The following SMAP2 variants were observed in gnomAD, a reference collection of about 807,000 sequenced individuals.
The protein encoded by SMAP2 is small ArfGAP2.
Under a neutral mutation model 56.4 loss-of-function variants are expected in SMAP2, and 25 were observed. The ratio of observed to expected loss-of-function variants is 0.44; its 90% CI spans 0.32 to 0.62. The LOEUF is 0.62. Among genes scored for constraint, SMAP2 ranks in the 20% least tolerant of loss-of-function variants. The pLI, the probability that SMAP2 is intolerant of heterozygous loss-of-function variation, is 0.04. For synonymous variants in SMAP2, 157 were observed against 181.7 expected (o/e 0.86, Z 1.09); for missense variants, 388 against 545.6 (o/e 0.71, Z 2.88).
At chr1:40,347,940 A>T (rs1433044706) in intron 1 of SMAP2, among the ~76,000 whole-genome samples, 1 of 151,816 alleles carries the variant, frequency 6.6e-6, no homozygotes. Context: ...TATTCTACAT[A>T]CTCATCTATT....
intron 1 of SMAP2, among the ~76,000 whole-genome samples, chr1:40,377,005 G>T (rs1644547002): frequency 6.6e-6 from 1 of 152,138 alleles, no homozygotes; most frequent in Admixed American, 6.5e-5. Flanking sequence ...CGGAATAGAG[G>T]CTGGGTGTGG....
chr1:40,357,304 T>G (rs748119308), intron 1 of SMAP2, among the ~76,000 whole-genome samples: 2 of 151,852 alleles, frequency 1.3e-5, no homozygotes, highest in Non-Finnish European at 2.9e-5. Context: ...AAAATACAAA[T>G]ATTAGCCAGG....
At chr1:40,382,787 G>A (rs1247982099) in intron 1 of SMAP2, among the ~76,000 whole-genome samples, 1 of 152,200 alleles carries the variant, frequency 6.6e-6, no homozygotes, top group Non-Finnish European at 1.5e-5. Flanking sequence ...AGGGGCCTAT[G>A]CCTGTTTTGT....
intron 1 of SMAP2, among the ~76,000 whole-genome samples, chr1:40,389,506 A>G (rs150935810): frequency 1.2e-3 from 177 of 152,346 alleles, no homozygotes; most frequent in African/African-American, 4.0e-3. Flanking sequence ...CTGTTAGCCC[A>G]GATAGCTGAA....
chr1:40,421,840 G>A (rs2124390195), intron 9 of SMAP2, 136 bp from the exon 10 acceptor site: 4 of 980,256 alleles, frequency 4.1e-6, no homozygotes, highest in Non-Finnish European at 4.6e-6. Context: ...AAGGTCCAGG[G>A]TTTACTGTCC....
chr1:40,422,203 G>T lies in SMAP2; in HGVS notation c.*102G>T. 6.7e-7 allele frequency: 1 copy of T among 1,491,054 alleles called. No individual in the cohort carries two copies. Among genetic ancestry groups the T allele is most frequent in the South Asian group, 1.2e-5 (1 of 80,250 alleles). 92.4% of individuals were successfully genotyped at this position (1,491,054 alleles called of 1,614,324 possible). A position where few individuals can be genotyped will look rare whatever the true frequency, so the allele number is the denominator to read the frequency against. On this transcript the variant is annotated 3_prime_UTR_variant, in exon 10 of 10. Coordinates refer to ENST00000372718, the MANE Select transcript of SMAP2 (RefSeq NM_022733.3). ...ATCCTCTTTTCCTACCTCTCTGTTT[G>T]GTTTAGAAATTGCTCAATAAGTCAT... is the stretch of plus-strand genomic sequence containing the variant.
chr1:40,393,541 CTTTTTTTTTTTTT>C (rs35913943), intron 1 of SMAP2: 3 of 812,076 alleles, frequency 3.7e-6, no homozygotes, highest in Non-Finnish European at 5.1e-6. Flanking sequence ...GTTCTTCTAA[CTTTTTTTTTTTTT>C]TTTTTTTTTG....
chr1:40,417,765 T>C (rs1361900092), intron 9 of SMAP2, among the ~76,000 whole-genome samples: 1 of 151,960 alleles, frequency 6.6e-6, no homozygotes, highest in Non-Finnish European at 1.5e-5. Context: ...GGACTGGTGG[T>C]GAAGGAAAGA....
intron 1 of SMAP2, among the ~76,000 whole-genome samples, chr1:40,379,900 A>C (rs1339426914): frequency 1.3e-5 from 2 of 152,180 alleles, no homozygotes; most frequent in Admixed American, 1.3e-4. Context: ...GCCTACTGTT[A>C]AGATGGCAGA....
upstream of SMAP2, among the ~76,000 whole-genome samples, chr1:40,372,631 G>A (rs1351766000): frequency 6.6e-6 from 1 of 152,194 alleles, no homozygotes; most frequent in African/African-American, 2.4e-5. Context: ...TAATAGAAAT[G>A]TTTAGTTTTC....
intron 1 of SMAP2, among the ~76,000 whole-genome samples, chr1:40,349,704 A>G (rs541410255): frequency 6.6e-6 from 1 of 152,170 alleles, no homozygotes; most frequent in Non-Finnish European, 1.5e-5. Context: ...TATTTTTAGT[A>G]GAGATGGGGT....
chr1:40,361,280 C>G (rs1214423917), intron 1 of SMAP2, among the ~76,000 whole-genome samples: 2 of 152,104 alleles, frequency 1.3e-5, no homozygotes, highest in Non-Finnish European at 2.9e-5. Context: ...AGAACCCAGT[C>G]CTGGCAGGAT....
In SMAP2 at chr1:40,382,197, C is replaced by T. The variant is rs72948147; in HGVS notation, c.103+7974C>T. 2.4e-3 allele frequency among the ~76,000 whole-genome samples: 372 copies of T among 152,272 alleles called. 1 individual carries two copies. Among genetic ancestry groups the T allele is most frequent in the African/African-American group, 8.0e-3 (332 of 41,550 alleles). On this transcript the variant is annotated intron_variant, in intron 1 of 9. Transcript: ENST00000372718. ...TTCTTGGGCACAGTTGTCTATATAA[C>T]TGTTCATCACATGAGTCATTGTCTG...
At chr1:40,378,729 C>G (rs1177054412) in intron 1 of SMAP2, among the ~76,000 whole-genome samples, 1 of 152,142 alleles carries the variant, frequency 6.6e-6, no homozygotes, top group Non-Finnish European at 1.5e-5. Context: ...TTGCTTTTCC[C>G]TTCTTCTGCT....
At chr1:40,354,498 C>T (rs1403869244) in intron 1 of SMAP2, among the ~76,000 whole-genome samples, 1 of 151,838 alleles carries the variant, frequency 6.6e-6, no homozygotes, top group Non-Finnish European at 1.5e-5. Context: ...ACCACCACAC[C>T]CAGCTAATTT....
chr1:40,394,150 G>A (rs939422579), intron 1 of SMAP2, among the ~76,000 whole-genome samples: 1 of 152,080 alleles, frequency 6.6e-6, no homozygotes, highest in Non-Finnish European at 1.5e-5. Context: ...TTTCTTGGGA[G>A]GACAGTTCTA....
At chr1:40,352,506 C>A (rs1644413141) in intron 1 of SMAP2, among the ~76,000 whole-genome samples, 1 of 152,068 alleles carries the variant, frequency 6.6e-6, no homozygotes, top group African/African-American at 2.4e-5. Context: ...TTCCCTTGCT[C>A]ATTTTAAAAT....
chr1:40,377,119 C>T (rs1398032496), intron 1 of SMAP2, among the ~76,000 whole-genome samples: 3 of 151,920 alleles, frequency 2.0e-5, no homozygotes, highest in Non-Finnish European at 2.9e-5. Flanking sequence ...GACCTTGTCT[C>T]TACAAATAGT....
chr1:40,366,046 G>A (rs1435864290), intron 2 of SMAP2, among the ~76,000 whole-genome samples: 2 of 148,814 alleles, frequency 1.3e-5, no homozygotes, highest in Admixed American at 6.7e-5. Context: ...CGAGAACTAC[G>A]TGAAGAATGC....
Sources: gnomAD v4.1 joint callset for allele counts (sites outside exome capture counted in the v4.1 genomes callset) on GRCh38, gnomAD v4.1.1 for gene constraint, MANE v1.5 for transcripts, NCBI Gene and HGNC (gene_info 2026-07-23, HGNC 2026-07-21) for gene names.